The following NEDD1 variants were observed in gnomAD, a reference collection of about 807,000 sequenced individuals.
NEDD1 encodes NEDD1 gamma-tubulin ring complex targeting factor, also known as protein NEDD1.
In NEDD1, 33 loss-of-function variants were observed where a neutral mutation model predicts 74.0. The observed-to-expected ratio is 0.45, with a 90% CI of 0.34 to 0.60. The LOEUF (loss-of-function observed/expected upper bound fraction) is 0.60, where lower values mean the gene tolerates loss of function less well. Among genes scored for constraint, NEDD1 ranks in the 20% least tolerant of loss-of-function variants. The probability of loss-of-function intolerance (pLI) is 0.01; values close to 1 mark genes in which losing one functional copy is unlikely to be tolerated. For synonymous variants in NEDD1, 250 were observed against 264.4 expected (o/e 0.95, Z 0.53); for missense variants, 746 against 776.5 (o/e 0.96, Z 0.47).
chr12:96,910,946 TA>T (rs1188267880), intron 3 of NEDD1, among the ~76,000 whole-genome samples: 1 of 152,222 alleles, frequency 6.6e-6, no homozygotes. Flanking sequence ...ACAAAAATAT[TA>T]AAAGTTTTAT....
chr12:96,920,186 T>C, intron 6 of NEDD1, 61 bp downstream of exon 6: 1 of 1,032,398 alleles, frequency 9.7e-7, no homozygotes, highest in Non-Finnish European at 1.3e-6. Flanking sequence ...GTATCTTACA[T>C]AAGACTGTGA....
At chr12:96,923,788 T>TTGTGTGTGTGTG (rs10528785) in intron 6 of NEDD1, among the ~76,000 whole-genome samples, 8,324 of 142,056 alleles carry the variant, frequency 0.059, 318 homozygotes, top group East Asian at 0.1. Context: ...TAATACCTGT[T>TTGTGTGTGTGTG]TGTGTGTGTG....
intron 13 of NEDD1, among the ~76,000 whole-genome samples, chr12:96,945,458 A>T (rs75453831): frequency 0.071 from 10,733 of 152,054 alleles, 515 homozygotes; most frequent in East Asian, 0.14. Flanking sequence ...TCCCTCTGTC[A>T]TGTGGTATTA....
chr12:96,929,333 GT>G (rs1274597876), intron 6 of NEDD1, among the ~76,000 whole-genome samples: 67 of 133,598 alleles, frequency 5.0e-4, no homozygotes, highest in East Asian at 4.5e-4. Context: ...TTAAATTTAT[GT>G]TTTTTTTCTT....
intron 14 of NEDD1, among the ~76,000 whole-genome samples, chr12:96,948,871 TC>T (rs1423616932): frequency 6.6e-6 from 1 of 152,206 alleles, no homozygotes; most frequent in Non-Finnish European, 1.5e-5. Flanking sequence ...TCACAAGACT[TC>T]CAGAATACTT....
chr12:96,936,342 G>T (rs1011192316), intron 7 of NEDD1, among the ~76,000 whole-genome samples: 1 of 152,106 alleles, frequency 6.6e-6, no homozygotes, highest in Non-Finnish European at 1.5e-5. Flanking sequence ...AAAGAAATAG[G>T]TGCTGCTTCT....
chr12:96,912,662 A>G (rs561290931), intron 3 of NEDD1, 61 bp from the exon 4 acceptor site: 6 of 792,182 alleles, frequency 7.6e-6, no homozygotes, highest in Admixed American at 4.0e-5. Context: ...CGCAATTCTT[A>G]TAATAGTCTA....
chr12:96,924,924 G>T (rs7302642), intron 6 of NEDD1: 2 of 437,482 alleles, frequency 4.6e-6, no homozygotes, highest in South Asian at 3.3e-5. Context: ...TTACTACCAA[G>T]CATGATAGTC....
chr12:96,909,893 A>G lies in NEDD1; in HGVS notation c.134A>G (p.Asn45Ser), dbSNP rs777169302. The part of the protein sequence containing the change: ...HGISSICWSS[N>S]NNFLVTASSS... ...ATCAGCTCAATATGTTGGAGCAGCA[A>G]TAGTATCCTTTAAAAAAAAAAAACA... The change falls in exon 3 of 16, where the codon AAT becomes AGT. Residue 45 changes from asparagine (N) to serine (S), a missense_variant and splice_region_variant. By Grantham distance (46) the Asn-to-Ser change is conservative. Transcript: ENST00000266742. 5.1e-6 allele frequency: 8 copies of G among 1,583,112 alleles called. No individual in the cohort carries two copies. Among genetic ancestry groups the G allele is most frequent in the African/African-American group, 1.4e-5 (1 of 71,294 alleles).
chr12:96,934,986 ACTTGAAGTACTC>A lies in NEDD1; in HGVS notation c.505_516del (p.Lys169_Leu172del). ...CTTTCATTTTTATAGTCTGTTCGGC[ACTTGAAGTACTC>A]CTTGTTTAAGAAATCACTACTGGGC... On this transcript the variant is annotated inframe_deletion, in exon 7 of 16. Coordinates refer to ENST00000266742, the MANE Select transcript of NEDD1 (RefSeq NM_152905.4). The A allele has an allele frequency of 6.3e-7, 1 of 1,593,434 alleles. No homozygotes were observed. The highest frequency in any genetic ancestry group is 8.6e-7 in the Non-Finnish European group (1 of 1,161,250).
chr12:96,951,368 T>C (rs1650766185), intron 14 of NEDD1, 64 bp from the exon 15 acceptor site: 2 of 892,940 alleles, frequency 2.2e-6, no homozygotes, highest in Non-Finnish European at 3.5e-6. Flanking sequence ...TTAGTGAGTT[T>C]CTTGAATGAC....
At chr12:96,932,170 T>A (rs1876550669) in intron 6 of NEDD1, among the ~76,000 whole-genome samples, 1 of 151,646 alleles carries the variant, frequency 6.6e-6, no homozygotes, top group Admixed American at 6.6e-5. Context: ...AAAATAGCAT[T>A]GCTGCTTATA....
intron 10 of NEDD1, among the ~76,000 whole-genome samples, chr12:96,941,265 G>A (rs1189702779): frequency 6.6e-6 from 1 of 152,038 alleles, no homozygotes; most frequent in African/African-American, 2.4e-5. Context: ...AGTGTACCAT[G>A]TCAACAGCAG....
intron 9 of NEDD1, 123 bp from the exon 10 acceptor site, chr12:96,940,286 T>C (rs1209894170): frequency 1.0e-5 from 5 of 497,152 alleles, no homozygotes; most frequent in Non-Finnish European, 1.4e-5. Flanking sequence ...TGTTTTATTC[T>C]CCTTATGCTC....
intron 6 of NEDD1, among the ~76,000 whole-genome samples, chr12:96,930,234 C>G (rs1188503529): frequency 2.0e-5 from 3 of 151,584 alleles, no homozygotes; most frequent in African/African-American, 7.3e-5. Flanking sequence ...CTCTCTCTCT[C>G]TCTCTCTCTC....
Position 96,921,083 on chromosome 12 carries a change from G to A in NEDD1, c.489+958G>A, listed in dbSNP as rs550706437. ...GAAAGGGTTGGGGAGTTTCAGCTACGTCTAAGGCTTATTGATTTTGTTTTT... is the reference window on the plus strand; with the variant it reads ...GAAAGGGTTGGGGAGTTTCAGCTACATCTAAGGCTTATTGATTTTGTTTTT... On this transcript the variant is annotated intron_variant, in intron 6 of 15. Coordinates refer to ENST00000266742, the MANE Select transcript of NEDD1 (RefSeq NM_152905.4). Among the ~76,000 whole-genome samples the A allele has an allele frequency of 1.1e-4, 16 of 152,114 alleles. No individual in the cohort carries two copies. The East Asian group carries it at 2.1e-3, about 20-fold the overall frequency.
intron 6 of NEDD1, among the ~76,000 whole-genome samples, chr12:96,924,295 A>T (rs559757651): frequency 7.2e-5 from 11 of 152,214 alleles, no homozygotes; most frequent in African/African-American, 2.7e-4. Flanking sequence ...TTTGACTACT[A>T]TGGGCCTTTT....
At position 96,951,636 on chromosome 12, in the gene NEDD1, A is replaced by G. The variant is rs186511529; in HGVS notation, c.1878+138A>G. ...AATAGGGAGTTTTATAGACTAAATAAGTAAAATAGATTTTAACTGGTCACC... is the reference window on the plus strand; with the variant it reads ...AATAGGGAGTTTTATAGACTAAATAGGTAAAATAGATTTTAACTGGTCACC... On this transcript the variant is annotated intron_variant, in intron 15 of 15. Coordinates refer to ENST00000266742, the MANE Select transcript of NEDD1 (RefSeq NM_152905.4). 1,315 of 545,124 alleles carry G rather than the reference A, an allele frequency of 2.4e-3. 12 individuals carry two copies. The highest frequency in any genetic ancestry group is 0.024 in the East Asian group (771 of 32,472). The allele number at this position is 545,124 out of a possible 1,614,324, so 33.8% of individuals were successfully genotyped here.
In NEDD1 at chr12:96,923,916, CTTTT is replaced by C. The variant is rs1035859004; in HGVS notation, c.489+3792_489+3795del. Among the ~76,000 whole-genome samples, 7 of 151,186 alleles carry C rather than the reference CTTTT, an allele frequency of 4.6e-5. No individual in the cohort carries two copies. The Admixed American group carries it at 4.6e-4, about 10-fold the overall frequency. ...ATGAAGTCTCATATGTCAGTCTTTT[CTTTT>C]ATGTTTGTTGCTTTTTGTGTTCTCT... On this transcript the variant is annotated intron_variant, in intron 6 of 15. Coordinates refer to ENST00000266742, the MANE Select transcript of NEDD1 (RefSeq NM_152905.4).
Sources: gnomAD v4.1 joint callset for allele counts (sites outside exome capture counted in the v4.1 genomes callset) on GRCh38, gnomAD v4.1.1 for gene constraint, MANE v1.5 for transcripts, NCBI Gene and HGNC (gene_info 2026-07-23, HGNC 2026-07-21) for gene names.